The following CDC5L variants were observed in gnomAD, a reference collection of about 807,000 sequenced individuals.
CDC5L encodes the protein cell division cycle 5 like, also known as cell division cycle 5-like protein.
Under a neutral mutation model 104.1 loss-of-function variants are expected in CDC5L, and 18 were observed. The ratio of observed to expected loss-of-function variants is 0.17; its 90% CI spans 0.12 to 0.26. CDC5L has a LOEUF of 0.26. Among genes scored for constraint, CDC5L ranks in the 10% least tolerant of loss-of-function variants. CDC5L has a pLI of 1.00. For synonymous variants in CDC5L, 331 were observed against 322.7 expected, an observed-to-expected ratio of 1.03 and a Z score of -0.28; for missense variants, 673 against 956.9, an observed-to-expected ratio of 0.70 and a Z score of 3.91.
At chr6:44,428,004 A>G (rs141104789) in intron 13 of CDC5L, among the ~76,000 whole-genome samples, 297 of 152,260 alleles carry the variant, frequency 2.0e-3, no homozygotes, top group African/African-American at 6.9e-3. Context: ...ATTCTCTCAT[A>G]TTTTATCTGT....
chr6:44,426,942 A>G (rs1215037910), intron 13 of CDC5L, among the ~76,000 whole-genome samples: 2 of 152,114 alleles, frequency 1.3e-5, no homozygotes, highest in Non-Finnish European at 2.9e-5. Context: ...GCAAATAAAC[A>G]CCGCCAGGGT....
At chr6:44,416,988 T>G (rs1052260638) in intron 8 of CDC5L, among the ~76,000 whole-genome samples, 2 of 152,228 alleles carry the variant, frequency 1.3e-5, no homozygotes, top group African/African-American at 4.8e-5. Flanking sequence ...AATAAAGATA[T>G]ACAGAATAAT....
rs371164669 is a variant in CDC5L, at chr6:44,426,121, C to T, written c.1588C>T (p.Arg530Cys). The change falls in exon 12 of 16, where the codon CGT (arginine) becomes TGT (cysteine). Residue 530 changes from arginine to cysteine, a missense_variant. Transcript: ENST00000371477. Reference sequence around the variant, plus strand: ...TTTTTAGGCCATACGAGATGCAGAGCGTGTAAAGGAAATGAAACGAATGCA... The same window carrying T: ...TTTTTAGGCCATACGAGATGCAGAGTGTGTAAAGGAAATGAAACGAATGCA... ...ARKQAIRDAE[R>C]VKEMKRMHKA... The T allele has an allele frequency of 1.2e-5, 19 of 1,601,112 alleles. 1 individual carries two copies. The highest frequency in any genetic ancestry group is 1.7e-4 in the Middle Eastern group (1 of 6,058).
intron 5 of CDC5L, among the ~76,000 whole-genome samples, chr6:44,398,507 A>G (rs1790974404): frequency 6.6e-6 from 1 of 152,220 alleles, no homozygotes; most frequent in African/African-American, 2.4e-5. Flanking sequence ...GTTATATTCT[A>G]ACAGGCTGGA....
At chr6:44,420,958 T>C (rs1327472998) in intron 9 of CDC5L, among the ~76,000 whole-genome samples, 1 of 152,178 alleles carries the variant, frequency 6.6e-6, no homozygotes, top group East Asian at 1.9e-4. Context: ...AACTTCTCCT[T>C]GCCCCAGCAC....
At chr6:44,433,728 C>A (rs1330484404) in intron 14 of CDC5L, among the ~76,000 whole-genome samples, 29 of 152,168 alleles carry the variant, frequency 1.9e-4, no homozygotes, top group Non-Finnish European at 5.9e-5. Flanking sequence ...AGATAACACA[C>A]TTAAAATCCT....
intron 8 of CDC5L, among the ~76,000 whole-genome samples, chr6:44,415,027 A>G (rs1022664700): frequency 2.0e-5 from 3 of 152,180 alleles, no homozygotes; most frequent in South Asian, 4.1e-4. Flanking sequence ...AATTTGTTGT[A>G]AAGACTGTTC....
At chr6:44,446,125 C>G (rs1354613693) in intron 15 of CDC5L, among the ~76,000 whole-genome samples, 4 of 152,204 alleles carry the variant, frequency 2.6e-5, no homozygotes, top group Non-Finnish European at 5.9e-5. Context: ...AAATGGAATA[C>G]TTAGCCCTTG....
At position 44,446,645 on chromosome 6, in the gene CDC5L, A is replaced by G; in HGVS notation, c.2343A>G (p.Glu781=). 14 of 1,593,932 alleles carry G rather than the reference A, an allele frequency of 8.8e-6. No individual in the cohort carries two copies. The highest frequency in any genetic ancestry group is 1.2e-5 in the Non-Finnish European group (14 of 1,172,012). ...ACGTTCAGCGACAACAAGAAAGAGAAAAGGAACTTCAACATAGATATGCTG... is the reference window on the plus strand; with the variant it reads ...ACGTTCAGCGACAACAAGAAAGAGAGAAGGAACTTCAACATAGATATGCTG... The part of the protein sequence containing the change: ...KEDVQRQQER[E]KELQHRYADL... The change falls in exon 16 of 16, where the codon GAA becomes GAG. Residue 781 remains glutamate (E), a synonymous_variant. Transcript: ENST00000371477.
chr6:44,422,723 G>A lies in CDC5L; in HGVS notation c.1318G>A (p.Gly440Ser). ...CAAACCAGTTATTAACTCTACTCCG[G>A]GTAGAACTCCTCTTCGAGACAAGTT... is the stretch of plus-strand genomic sequence containing the variant. ...TPKPVINSTP[G>S]RTPLRDKLNI... is the part of the protein sequence containing the mutation. The change falls in exon 10 of 16, where the codon GGT becomes AGT. Residue 440 changes from glycine to serine, a missense_variant. Gly to Ser is a moderately conservative substitution (Grantham distance 56). This residue lies in a region of CDC5L where 578 missense variants were observed against 737.0 expected (regional missense o/e 0.78). Transcript: ENST00000371477. The A allele has an allele frequency of 1.2e-6, 2 of 1,612,478 alleles. No homozygotes were observed. Among genetic ancestry groups the A allele is most frequent in the South Asian group, 1.1e-5 (1 of 91,020 alleles).
chr6:44,419,088 A>C (rs1792036288), intron 8 of CDC5L, among the ~76,000 whole-genome samples: 1 of 151,968 alleles, frequency 6.6e-6, no homozygotes, highest in South Asian at 2.1e-4. Context: ...CTATGTCCTG[A>C]ATGGTATTGC....
At chr6:44,432,975 A>T (rs16871891) in intron 14 of CDC5L, among the ~76,000 whole-genome samples, 4,551 of 152,316 alleles carry the variant, frequency 0.03, 132 homozygotes, top group African/African-American at 0.072. Flanking sequence ...TAAAGACACT[A>T]AGATACATTG....
intron 13 of CDC5L, 33 bp from the exon 14 acceptor site, chr6:44,429,680 A>G (rs764559930): frequency 6.3e-7 from 1 of 1,584,292 alleles, no homozygotes; most frequent in South Asian, 1.1e-5. Flanking sequence ...TGTTTGTAGT[A>G]CTTAAACTTA....
At chr6:44,418,132 C>T (rs1791986833) in intron 8 of CDC5L, among the ~76,000 whole-genome samples, 1 of 152,106 alleles carries the variant, frequency 6.6e-6, no homozygotes, top group Non-Finnish European at 1.5e-5. Context: ...TCTCCTAATG[C>T]TATCCCTCCC....
intron 15 of CDC5L, 107 bp downstream of exon 15, chr6:44,445,974 C>G: frequency 1.2e-6 from 1 of 862,730 alleles, no homozygotes; most frequent in African/African-American, 1.7e-5. Context: ...TTGGTACTGT[C>G]AGGCTTTTAA....
At chr6:44,420,406 T>C (rs11571988) in intron 9 of CDC5L, among the ~76,000 whole-genome samples, 1,545 of 151,880 alleles carry the variant, frequency 0.01, 17 homozygotes, top group Middle Eastern at 0.054. Context: ...TTGCCCAGGC[T>C]GGAGTGCAGT....
At chr6:44,394,976 G>A (rs550509309) in intron 4 of CDC5L, among the ~76,000 whole-genome samples, 18 of 150,836 alleles carry the variant, frequency 1.2e-4, no homozygotes, top group African/African-American at 4.4e-4. Flanking sequence ...CAACATGGAT[G>A]GCAGTAGAAG....
Position 44,406,395 on chromosome 6 carries a change from A to G in CDC5L, c.831A>G (p.Ser277=). 6.2e-7 allele frequency: 1 copy of G among 1,607,338 alleles called. No homozygotes were observed. Among genetic ancestry groups the G allele is most frequent in the South Asian group, 1.1e-5 (1 of 90,434 alleles). The change falls in exon 7 of 16, where the codon TCA becomes TCG. Residue 277 remains serine, a synonymous_variant. Transcript: ENST00000371477. ...LKRKKESDLP[S]AILQTSGVSE... Reference sequence around the variant, plus strand: ...GGAAAAAAGAATCTGATTTACCATCAGCTATTCTTCAAACTAGTGGTGTTT... The same window carrying G: ...GGAAAAAAGAATCTGATTTACCATCGGCTATTCTTCAAACTAGTGGTGTTT...
At chr6:44,443,683 T>C (rs577858433) in intron 14 of CDC5L, among the ~76,000 whole-genome samples, 1 of 151,918 alleles carries the variant, frequency 6.6e-6, no homozygotes, top group African/African-American at 2.4e-5. Context: ...TGTTTTCTCA[T>C]TGATACTTTT....
Sources: allele counts gnomAD v4.1 joint callset (sites outside exome capture counted in the v4.1 genomes callset), GRCh38; gene constraint gnomAD v4.1.1; regional missense constraint gnomAD v4.1.1; transcripts MANE v1.5; gene names NCBI Gene and HGNC (gene_info 2026-07-23, HGNC 2026-07-21).